Variants in MROH9 observed in about 807,000 individuals in gnomAD.
The protein encoded by MROH9 is maestro heat-like repeat-containing protein family member 9.
In MROH9, 92 loss-of-function variants were observed where a neutral mutation model predicts 98.2. That is an observed-to-expected ratio of 0.94 (90% CI 0.79 to 1.11). The LOEUF (loss-of-function observed/expected upper bound fraction) is 1.11. Ranked by LOEUF, MROH9 falls within the 50% of genes most tolerant of loss-of-function variation. The pLI is 0.00. For missense variants in MROH9, 1,057 were observed against 1,014.8 expected (o/e 1.04, Z -0.57); for synonymous variants, 397 against 368.9 (o/e 1.08, Z -0.87).
rs973385308 is a variant in MROH9 at position 171,064,117 on chromosome 1, G to A, written c.2363G>A (p.Arg788Gln). ...ATTACAGTTATTGAACGACTGCTCCGAGATGAAGACCCTATGATCAAACAG... is the reference window on the plus strand; with the variant it reads ...ATTACAGTTATTGAACGACTGCTCCAAGATGAAGACCCTATGATCAAACAG... ...VMLDVIERLL[R>Q]DEDPMIKQLA... is the part of the protein sequence containing the mutation. The change falls in exon 22 of 22, where the codon CGA (arginine) becomes CAA (glutamine). Residue 788 changes from arginine (R) to glutamine (Q), a missense_variant. Arg to Gln is a conservative substitution (Grantham distance 43). Transcript: ENST00000367759. 2.3e-5 allele frequency: 36 copies of A among 1,540,030 alleles called. No individual in the cohort carries two copies. Among genetic ancestry groups the A allele is most frequent in the Admixed American group, 4.2e-5 (2 of 47,764 alleles).
intron 14 of MROH9, among the ~76,000 whole-genome samples, chr1:170,996,990 T>C (rs1302010982): frequency 6.6e-6 from 1 of 152,122 alleles, no homozygotes; most frequent in Non-Finnish European, 1.5e-5. Context: ...GTTTTAGACA[T>C]GTTTCCACTT....
chr1:171,006,788 T>G (rs1651967068), intron 15 of MROH9, among the ~76,000 whole-genome samples: 1 of 151,822 alleles, frequency 6.6e-6, no homozygotes, highest in Non-Finnish European at 1.5e-5. Flanking sequence ...AGCCTGTTAT[T>G]ATAGTCTTCA....
intron 15 of MROH9, among the ~76,000 whole-genome samples, chr1:170,999,278 A>C (rs141206643): frequency 6.6e-6 from 1 of 151,940 alleles, no homozygotes. Context: ...AGCAGCATAC[A>C]CTGCACAATA....
intron 20 of MROH9, among the ~76,000 whole-genome samples, chr1:171,043,404 G>A (rs548536775): frequency 3.2e-4 from 49 of 152,194 alleles, no homozygotes; most frequent in Non-Finnish European, 6.3e-4. Context: ...TTGAAATCAG[G>A]TAATGTGATT....
At chr1:170,998,050 T>C in intron 14 of MROH9, 104 bp from the exon 15 acceptor site, 1 of 843,050 alleles carries the variant, frequency 1.2e-6, no homozygotes, top group East Asian at 2.5e-5. Flanking sequence ...AAAGAATATC[T>C]TTCATCTGGG....
chr1:170,941,999 A>G (rs2101865036), intron 1 of MROH9, among the ~76,000 whole-genome samples: 1 of 152,080 alleles, frequency 6.6e-6, no homozygotes, highest in Admixed American at 6.5e-5. Context: ...GCCATTTCCA[A>G]CTCCCTGAGC....
Position 170,973,124 on chromosome 1 carries a change from C to T in MROH9, c.616+1241C>T, listed in dbSNP as rs138465202. Among the ~76,000 whole-genome samples, 568 of 152,216 alleles carry T rather than the reference C, an allele frequency of 3.7e-3. 3 individuals are homozygous for T. The highest frequency in any genetic ancestry group is 0.013 in the African/African-American group (543 of 41,546). On this transcript the variant is annotated intron_variant, in intron 8 of 21. Transcript: ENST00000367759. The stretch of plus-strand genomic sequence containing the variant: ...GAGTGCATGCACACGCATACACACA[C>T]ACACACACGCACGCACAAACCCACA...
At chr1:170,976,161 G>T (rs1650678173) in intron 8 of MROH9, among the ~76,000 whole-genome samples, 1 of 152,094 alleles carries the variant, frequency 6.6e-6, no homozygotes. Context: ...TTCAAGGTTT[G>T]TGTTATTTAT....
At chr1:171,031,695 T>C (rs985559005) in intron 20 of MROH9, among the ~76,000 whole-genome samples, 7 of 152,182 alleles carry the variant, frequency 4.6e-5, no homozygotes, top group Non-Finnish European at 1.0e-4. Flanking sequence ...CCATTCTCTC[T>C]GGCTGCCCTT....
At chr1:170,999,435 T>G (rs1651710958) in intron 15 of MROH9, among the ~76,000 whole-genome samples, 1 of 152,126 alleles carries the variant, frequency 6.6e-6, no homozygotes, top group African/African-American at 2.4e-5. Flanking sequence ...CATTCCTGAG[T>G]TACTTCACTT....
chr1:170,939,996 G>C (rs1303328592), intron 1 of MROH9, among the ~76,000 whole-genome samples: 1 of 152,180 alleles, frequency 6.6e-6, no homozygotes, highest in Non-Finnish European at 1.5e-5. Context: ...AGAGCAGACT[G>C]TACAACAGCC....
intron 15 of MROH9, chr1:170,998,525 CT>C: frequency 1.4e-6 from 2 of 1,430,250 alleles, no homozygotes; most frequent in Non-Finnish European, 1.8e-6. Flanking sequence ...TGTACAAAAA[CT>C]AATTATTTTT....
chr1:171,002,401 T>G (rs1473934269), intron 15 of MROH9, among the ~76,000 whole-genome samples: 3 of 152,208 alleles, frequency 2.0e-5, no homozygotes, highest in Non-Finnish European at 2.9e-5. Flanking sequence ...TTCCAGGATT[T>G]GTTTCAAGGT....
chr1:170,988,383 A>C (rs1486258375), intron 10 of MROH9, among the ~76,000 whole-genome samples: 4 of 152,160 alleles, frequency 2.6e-5, no homozygotes, highest in Non-Finnish European at 5.9e-5. Context: ...GGGCAAACAC[A>C]ACCACAGGGA....
intron 7 of MROH9, among the ~76,000 whole-genome samples, chr1:170,968,146 T>G (rs1650302086): frequency 6.6e-6 from 1 of 152,048 alleles, no homozygotes; most frequent in Non-Finnish European, 1.5e-5. Context: ...AGAAAAGTAG[T>G]GTGCCCTGTA....
intron 9 of MROH9, among the ~76,000 whole-genome samples, chr1:170,984,167 C>T (rs1651038179): frequency 6.6e-6 from 1 of 152,078 alleles, no homozygotes. Flanking sequence ...CAGCACCTTC[C>T]AGCCACACAC....
intron 17 of MROH9, among the ~76,000 whole-genome samples, chr1:171,018,701 G>C (rs1652409822): frequency 1.3e-5 from 2 of 152,218 alleles, no homozygotes; most frequent in Admixed American, 6.5e-5. Context: ...CCAGTTTACA[G>C]AGGAAAATAA....
At chr1:171,039,334 C>T (rs181163085) in intron 20 of MROH9, among the ~76,000 whole-genome samples, 57 of 152,196 alleles carry the variant, frequency 3.7e-4, no homozygotes, top group Non-Finnish European at 7.5e-4. Flanking sequence ...GTTTAAACAA[C>T]ATAATAATTT....
chr1:170,935,916 C>T (rs192447903), intron 1 of MROH9, among the ~76,000 whole-genome samples: 58 of 130,430 alleles, frequency 4.4e-4, no homozygotes, highest in African/African-American at 1.3e-3. Context: ...CACTTGAACT[C>T]GGGAGGTGGA....
Sources: allele counts gnomAD v4.1 joint callset (sites outside exome capture counted in the v4.1 genomes callset), GRCh38; gene constraint gnomAD v4.1.1; transcripts MANE v1.5; gene names NCBI Gene and HGNC (gene_info 2026-07-23, HGNC 2026-07-21).